Variants in NBEA observed in about 807,000 individuals in gnomAD.
NBEA encodes neurobeachin.
NBEA carries 44 observed loss-of-function variants against 343.4 expected under a neutral mutation model. The observed-to-expected ratio is 0.13, with a 90% confidence interval of 0.10 to 0.16. The LOEUF is 0.16. Among genes scored for constraint, NBEA ranks in the 10% least tolerant of loss-of-function variants. NBEA has a pLI of 1.00. For missense variants in NBEA, 2,555 were observed against 3,631.3 expected (o/e 0.70, Z 7.62); for synonymous variants, 1,175 against 1,238.7 (o/e 0.95, Z 1.08).
chr13:35,383,364 A>G (rs993452296), intron 38 of NBEA, among the ~76,000 whole-genome samples: 1 of 152,194 alleles, frequency 6.6e-6, no homozygotes, highest in Non-Finnish European at 1.5e-5. Context: ...AACTGTCAAT[A>G]GCATTATTTA....
intron 18 of NBEA, among the ~76,000 whole-genome samples, chr13:35,152,339 C>T (rs914613729): frequency 1.3e-5 from 2 of 152,164 alleles, no homozygotes; most frequent in African/African-American, 4.8e-5. Flanking sequence ...TAGATACCAT[C>T]TTATTCAAAC....
At chr13:34,968,379 C>T (rs1410605766) in intron 1 of NBEA, among the ~76,000 whole-genome samples, 1 of 152,056 alleles carries the variant, frequency 6.6e-6, no homozygotes, top group Non-Finnish European at 1.5e-5. Context: ...TCCCTTGAAA[C>T]TATCTAAGGG....
chr13:35,051,582 T>C (rs2063067536), intron 6 of NBEA, among the ~76,000 whole-genome samples: 1 of 152,004 alleles, frequency 6.6e-6, no homozygotes, highest in Non-Finnish European at 1.5e-5. Flanking sequence ...TAGAAAATGA[T>C]TTAAAAAGCA....
chr13:34,963,404 T>A (rs2059719853), intron 1 of NBEA, among the ~76,000 whole-genome samples: 1 of 152,008 alleles, frequency 6.6e-6, no homozygotes, highest in African/African-American at 2.4e-5. Flanking sequence ...GACTTATCTC[T>A]TTAAAGGTTC....
intron 10 of NBEA, among the ~76,000 whole-genome samples, chr13:35,081,450 A>T (rs1317973133): frequency 6.6e-6 from 1 of 151,936 alleles, no homozygotes; most frequent in Non-Finnish European, 1.5e-5. Context: ...AAATACATAT[A>T]TTATTTTTTG....
At chr13:35,533,365 GT>G (rs993896744) in intron 41 of NBEA, among the ~76,000 whole-genome samples, 2 of 152,010 alleles carry the variant, frequency 1.3e-5, no homozygotes, top group African/African-American at 4.8e-5. Flanking sequence ...AAATAGTATG[GT>G]TTGTCTCATG....
chr13:35,145,600 G>A (rs145075174), intron 18 of NBEA, among the ~76,000 whole-genome samples: 6 of 152,268 alleles, frequency 3.9e-5, no homozygotes, highest in East Asian at 3.9e-4. Flanking sequence ...CCTAAAGCCC[G>A]GAGGCAGTAC....
At chr13:34,991,899 T>C (rs1157316118) in intron 1 of NBEA, among the ~76,000 whole-genome samples, 1 of 151,950 alleles carries the variant, frequency 6.6e-6, no homozygotes, top group Non-Finnish European at 1.5e-5. Flanking sequence ...ATTTGACTGT[T>C]CTTTTAAAGG....
At chr13:35,237,376 C>G (rs948150082) in intron 34 of NBEA, among the ~76,000 whole-genome samples, 17 of 152,212 alleles carry the variant, frequency 1.1e-4, no homozygotes, top group African/African-American at 4.1e-4. Flanking sequence ...TTGCTCTCCA[C>G]CCCAGCCTGT....
At chr13:35,668,696 G>A (rs540133259) in intron 58 of NBEA, among the ~76,000 whole-genome samples, 177 bp downstream of exon 58, 2 of 152,262 alleles carry the variant, frequency 1.3e-5, no homozygotes, top group South Asian at 4.1e-4. Context: ...GGGAAACAGA[G>A]GAAGAGAATA....
chr13:35,350,116 T>C (rs1432587835), intron 37 of NBEA, among the ~76,000 whole-genome samples: 1 of 152,176 alleles, frequency 6.6e-6, no homozygotes, highest in Non-Finnish European at 1.5e-5. Flanking sequence ...ATTTGGAATC[T>C]CAACTGAATT....
chr13:35,502,604 G>A (rs1302597096), intron 41 of NBEA, among the ~76,000 whole-genome samples: 1 of 151,832 alleles, frequency 6.6e-6, no homozygotes, highest in Non-Finnish European at 1.5e-5. Context: ...ACAGTGTGCT[G>A]GGACCAGATC....
intron 10 of NBEA, among the ~76,000 whole-genome samples, chr13:35,078,601 T>TG (rs1476450745): frequency 1.3e-5 from 2 of 151,950 alleles, no homozygotes; most frequent in Non-Finnish European, 2.9e-5. Flanking sequence ...GTCCTGGAAG[T>TG]GGGGGTGGAA....
At chr13:35,622,246 G>T (rs965332570) in intron 48 of NBEA, among the ~76,000 whole-genome samples, 4 of 152,134 alleles carry the variant, frequency 2.6e-5, no homozygotes, top group South Asian at 2.1e-4. Flanking sequence ...GGGAAGCTAA[G>T]GATTTATATC....
chr13:35,234,636 T>C (rs1486830374), intron 34 of NBEA, among the ~76,000 whole-genome samples: 2 of 152,144 alleles, frequency 1.3e-5, no homozygotes, highest in Non-Finnish European at 2.9e-5. Context: ...AGTGAGGTAG[T>C]TGTGTATACC....
intron 25 of NBEA, among the ~76,000 whole-genome samples, chr13:35,169,872 G>A (rs2070330740): frequency 6.6e-6 from 1 of 151,700 alleles, no homozygotes; most frequent in African/African-American, 2.4e-5. Flanking sequence ...TAAAGAATCT[G>A]CATTTTAAAA....
chr13:35,660,963 T>G (rs1219687142), intron 55 of NBEA, among the ~76,000 whole-genome samples: 1 of 152,166 alleles, frequency 6.6e-6, no homozygotes, highest in African/African-American at 2.4e-5. Flanking sequence ...ATGGATGTAT[T>G]GGAACATCGA....
chr13:35,667,242 G>A, intron 56 of NBEA, 132 bp from the exon 57 acceptor site: 1 of 706,664 alleles, frequency 1.4e-6, no homozygotes, highest in Non-Finnish European at 2.4e-6. Flanking sequence ...GCTTGGCCTG[G>A]CCAGCCTACC....
chr13:35,444,155 T>G (rs569123193), intron 39 of NBEA, among the ~76,000 whole-genome samples: 12 of 152,062 alleles, frequency 7.9e-5, no homozygotes, highest in Admixed American at 1.3e-4. Flanking sequence ...AAGCATTCTT[T>G]CAGGTTTTTT....
Sources: allele counts gnomAD v4.1 joint callset (sites outside exome capture counted in the v4.1 genomes callset), GRCh38; gene constraint gnomAD v4.1.1; transcripts MANE v1.5; gene names NCBI Gene and HGNC (gene_info 2026-07-23, HGNC 2026-07-21).